The following NCAM2 variants were observed in gnomAD, a reference collection of about 807,000 sequenced individuals.
NCAM2 encodes neural cell adhesion molecule 2, also known as N-CAM-2.
NCAM2 carries 30 observed loss-of-function variants against 98.1 expected under a neutral mutation model. That is an observed-to-expected ratio of 0.31 (90% CI 0.23 to 0.41). NCAM2 has a LOEUF of 0.41. Ranked by LOEUF, NCAM2 falls within the 10% of genes least tolerant of loss-of-function variation. The probability of loss-of-function intolerance (pLI) is 1.00; values close to 1 mark genes in which losing one functional copy is unlikely to be tolerated. For missense variants in NCAM2, 867 were observed against 1,005.8 expected (o/e 0.86, Z 1.87); for synonymous variants, 368 against 342.4 (o/e 1.07, Z -0.83).
intron 16 of NCAM2, among the ~76,000 whole-genome samples, chr21:21,525,924 C>T (rs1030230316): frequency 1.3e-5 from 2 of 151,990 alleles, no homozygotes; most frequent in South Asian, 4.1e-4. Context: ...TTAATATATA[C>T]ATAAATTATT....
intron 1 of NCAM2, among the ~76,000 whole-genome samples, chr21:21,087,081 T>TGC (rs1425945375): frequency 7.5e-5 from 11 of 146,818 alleles, no homozygotes; most frequent in African/African-American, 1.3e-4. Flanking sequence ...TGTGTGTGCG[T>TGC]GTGTGTGTGT....
intron 1 of NCAM2, among the ~76,000 whole-genome samples, chr21:21,194,357 A>G (rs2068931779): frequency 6.6e-6 from 1 of 152,150 alleles, no homozygotes; most frequent in African/African-American, 2.4e-5. Flanking sequence ...CACATTTATA[A>G]AGAGAGTTGC....
At chr21:21,321,640 G>A (rs978786776) in intron 5 of NCAM2, among the ~76,000 whole-genome samples, 4 of 151,950 alleles carry the variant, frequency 2.6e-5, no homozygotes, top group Non-Finnish European at 5.9e-5. Flanking sequence ...CATATGGCTC[G>A]CCATTTATCC....
chr21:21,444,397 A>C (rs1483118166), intron 12 of NCAM2, among the ~76,000 whole-genome samples: 1 of 152,190 alleles, frequency 6.6e-6, no homozygotes, highest in Non-Finnish European at 1.5e-5. Context: ...GAATCGTTTC[A>C]GATAGAATGG....
chr21:21,378,946 T>G (rs1458092056), intron 9 of NCAM2, among the ~76,000 whole-genome samples: 1 of 141,772 alleles, frequency 7.1e-6, no homozygotes, highest in Admixed American at 7.1e-5. Context: ...ACTGGACTTT[T>G]ACATGTTATA....
At chr21:21,315,228 G>GGTTT (rs1477902385) in intron 5 of NCAM2, among the ~76,000 whole-genome samples, 1 of 152,084 alleles carries the variant, frequency 6.6e-6, no homozygotes, top group Non-Finnish European at 1.5e-5. Context: ...CCCATATGGA[G>GGTTT]GTTTACCTTT....
chr21:21,440,292 A>T (rs564992546), intron 12 of NCAM2, among the ~76,000 whole-genome samples: 1 of 152,204 alleles, frequency 6.6e-6, no homozygotes, highest in Non-Finnish European at 1.5e-5. Context: ...ATCAAAATTA[A>T]TGAATTATCA....
At chr21:21,162,698 A>G (rs532161728) in intron 1 of NCAM2, among the ~76,000 whole-genome samples, 18 of 152,230 alleles carry the variant, frequency 1.2e-4, no homozygotes, top group Non-Finnish European at 1.0e-4. Context: ...GCAGCCATGG[A>G]AAAGAAAAAG....
intron 5 of NCAM2, among the ~76,000 whole-genome samples, chr21:21,304,256 T>C (rs965128706): frequency 6.6e-5 from 10 of 152,082 alleles, no homozygotes; most frequent in Admixed American, 4.6e-4. Context: ...TAAGTTTAGA[T>C]TTATGATAAT....
At chr21:21,324,549 A>G (rs1601977283) in intron 6 of NCAM2, 49 bp downstream of exon 6, 1 of 1,165,038 alleles carries the variant, frequency 8.6e-7, no homozygotes, top group East Asian at 2.6e-5. Flanking sequence ...TATCAGGCTT[A>G]TGGAACAGTA....
At chr21:21,083,132 A>T (rs1457539589) in intron 1 of NCAM2, among the ~76,000 whole-genome samples, 1 of 152,198 alleles carries the variant, frequency 6.6e-6, no homozygotes, top group African/African-American at 2.4e-5. Flanking sequence ...CAACAGCAAG[A>T]GTAGTAATAA....
chr21:21,407,559 T>A lies in NCAM2; in HGVS notation c.1196-2715T>A, dbSNP rs1467735034. ...TGCCACATTGTGGACAGAGTGTGACTGCAAGTCAGCTATTAATGTTTCCAT... is the reference window on the plus strand; with the variant it reads ...TGCCACATTGTGGACAGAGTGTGACAGCAAGTCAGCTATTAATGTTTCCAT... On this transcript the variant is annotated intron_variant, in intron 9 of 17. Coordinates refer to ENST00000400546, the MANE Select transcript of NCAM2 (RefSeq NM_004540.5). 3.3e-5 allele frequency among the ~76,000 whole-genome samples: 5 copies of A among 152,188 alleles called. 1 individual carries two copies. The South Asian group carries it at 1.0e-3, about 31-fold the overall frequency.
At chr21:21,144,063 CT>C (rs1461449557) in intron 1 of NCAM2, among the ~76,000 whole-genome samples, 2 of 151,710 alleles carry the variant, frequency 1.3e-5, no homozygotes, top group East Asian at 1.9e-4. Context: ...AAAAATCAAC[CT>C]TTTGGCTGGG....
intron 6 of NCAM2, among the ~76,000 whole-genome samples, chr21:21,327,306 C>CAAAAAA (rs11384559): frequency 1.5e-4 from 12 of 82,178 alleles, no homozygotes; most frequent in African/African-American, 6.3e-4. Context: ...GACTCTGTCT[C>CAAAAAA]AAAAAAAAAA....
In NCAM2 at chr21:21,310,987, A is replaced by C. The variant is rs564802342; in HGVS notation, c.620-13396A>C. ...CAGGAAATATTTCTTTCAAAATATCACAGTGCACTGGCAATGCACTTAAAA... is the reference window on the plus strand; with the variant it reads ...CAGGAAATATTTCTTTCAAAATATCCCAGTGCACTGGCAATGCACTTAAAA... On this transcript the variant is annotated intron_variant, in intron 5 of 17. Transcript: ENST00000400546. Among the ~76,000 whole-genome samples, 11 of 152,322 alleles carry C rather than the reference A, an allele frequency of 7.2e-5. No individual in the cohort carries two copies. The South Asian group carries it at 2.3e-3, about 32-fold the overall frequency.
At chr21:21,111,442 C>T (rs1178627871) in intron 1 of NCAM2, among the ~76,000 whole-genome samples, 2 of 152,020 alleles carry the variant, frequency 1.3e-5, no homozygotes, top group Non-Finnish European at 2.9e-5. Context: ...ACCCACAATG[C>T]GGAGGTCTGG....
chr21:21,141,775 C>G (rs1378084723), intron 1 of NCAM2, among the ~76,000 whole-genome samples: 1 of 152,134 alleles, frequency 6.6e-6, no homozygotes, highest in African/African-American at 2.4e-5. Context: ...CAGGCCTAGG[C>G]TGTATATCTA....
At chr21:21,408,923 A>C (rs1471005805) in intron 9 of NCAM2, among the ~76,000 whole-genome samples, 1 of 144,810 alleles carries the variant, frequency 6.9e-6, no homozygotes, top group Non-Finnish European at 1.6e-5. Context: ...GATAAGTTAC[A>C]TATCTGATAT....
chr21:21,428,296 C>T (rs997996382), intron 11 of NCAM2, among the ~76,000 whole-genome samples: 3 of 151,960 alleles, frequency 2.0e-5, no homozygotes, highest in African/African-American at 4.8e-5. Context: ...ACTGAGCATC[C>T]GATATGAGCC....
Sources: allele counts gnomAD v4.1 joint callset (sites outside exome capture counted in the v4.1 genomes callset), GRCh38; gene constraint gnomAD v4.1.1; transcripts MANE v1.5; gene names NCBI Gene and HGNC (gene_info 2026-07-23, HGNC 2026-07-21).